Variants in CDKL5 observed in about 807,000 individuals in gnomAD.
CDKL5 encodes cyclin dependent kinase like 5.
Under a neutral mutation model 61.7 loss-of-function variants are expected in CDKL5, and 8 were observed. That is an observed-to-expected ratio of 0.13 (90% CI 0.08 to 0.23). The LOEUF (loss-of-function observed/expected upper bound fraction) is 0.23, where lower values mean the gene tolerates loss of function less well. Among genes scored for constraint, CDKL5 ranks in the 10% least tolerant of loss-of-function variants. The pLI is 1.00. For missense variants in CDKL5, 440 were observed against 734.5 expected (o/e 0.60, Z 4.63); for synonymous variants, 275 against 272.3 (o/e 1.01, Z -0.10).
chrX:18,616,903 T>A (rs1926734324), intron 15 of CDKL5, among the ~76,000 whole-genome samples: 1 of 110,967 alleles, frequency 9.0e-6, no homozygotes, highest in Non-Finnish European at 1.9e-5. Flanking sequence ...TCCATGCTGC[T>A]CTCAGAGGGA....
At chrX:18,609,159 G>A (rs1926459631) in intron 13 of CDKL5, among the ~76,000 whole-genome samples, 1 of 111,582 alleles carries the variant, frequency 9.0e-6, no homozygotes, top group African/African-American at 3.3e-5. Context: ...TTGGGAGGCT[G>A]AGGTGGGAGG....
chrX:18,484,124 TTCTC>T (rs1325834016), intron 1 of CDKL5, among the ~76,000 whole-genome samples: 1 of 112,169 alleles, frequency 8.9e-6, no homozygotes, highest in Non-Finnish European at 1.9e-5. Context: ...GTAGGGTTTA[TTCTC>T]TCTATCAGAT....
rs1362768833 is a variant in CDKL5 at position 18,628,682 on chromosome X, A to G, written c.2808A>G (p.Pro936=). Residue 936 remains proline, a synonymous_variant, in exon 18 of 18, where the codon CCA becomes CCG. Coordinates refer to ENST00000623535, the MANE Select transcript of CDKL5 (RefSeq NM_001323289.2). ...YSEQLGAKSG[P]NGHPYNRTNR... The stretch of plus-strand genomic sequence containing the variant: ...AACAGCTGGGTGCCAAAAGTGGGCC[A>G]AATGGGCACCCCTATAACAGAACAA... 1.7e-6 allele frequency: 2 copies of G among 1,196,410 alleles called. No homozygotes were observed.
chrX:18,460,938 C>G (rs907125953), intron 1 of CDKL5, among the ~76,000 whole-genome samples: 4 of 112,266 alleles, frequency 3.6e-5, no homozygotes, highest in Non-Finnish European at 7.5e-5. Flanking sequence ...TATAATTTCT[C>G]AGGGAAGATA....
In CDKL5 at chrX:18,593,336, A is replaced by G. The variant is rs770383852; in HGVS notation, c.745-2012A>G. On this transcript the variant is annotated intron_variant, in intron 9 of 17. Transcript: ENST00000623535. The stretch of plus-strand genomic sequence containing the variant: ...TTAGGAGTTTGCTTGGTCATTTTTT[A>G]TTATAATATTTCTAATACCTTTCGA... Among the ~76,000 whole-genome samples, 4 of 112,262 alleles carry G rather than the reference A, an allele frequency of 3.6e-5. No individual in the cohort carries two copies. In the East Asian group the frequency reaches 1.1e-3, roughly 31 times the overall value.
intron 1 of CDKL5, among the ~76,000 whole-genome samples, chrX:18,448,121 A>T (rs1931923562): frequency 8.9e-6 from 1 of 111,799 alleles, no homozygotes; most frequent in Non-Finnish European, 1.9e-5. Context: ...TCTACACCTG[A>T]ATATTCTATA....
At chrX:18,548,006 C>G (rs1050902357) in intron 3 of CDKL5, among the ~76,000 whole-genome samples, 1 of 110,328 alleles carries the variant, frequency 9.1e-6, no homozygotes, top group Non-Finnish European at 1.9e-5. Context: ...TTTTATTGGC[C>G]GGGGTTGGGT....
intron 1 of CDKL5, among the ~76,000 whole-genome samples, chrX:18,483,553 A>G (rs900882603): frequency 9.1e-6 from 1 of 110,189 alleles, no homozygotes; most frequent in African/African-American, 3.3e-5. Flanking sequence ...AGTAGCTGGG[A>G]TTACAGGCAC....
chrX:18,579,364 A>G (rs192219095), intron 5 of CDKL5, among the ~76,000 whole-genome samples: 52 of 111,506 alleles, frequency 4.7e-4, no homozygotes, highest in South Asian at 3.8e-3. Flanking sequence ...GAATTTTTGT[A>G]CTAAATGTAT....
intron 1 of CDKL5, among the ~76,000 whole-genome samples, chrX:18,497,654 G>A (rs757810226): frequency 1.8e-5 from 2 of 111,522 alleles, no homozygotes; most frequent in East Asian, 2.8e-4. Context: ...ATATAACAAC[G>A]TAGAAATACA....
At chrX:18,649,461 AGACG>A (rs1927936391) in intron 20 of CDKL5, among the ~76,000 whole-genome samples, 1 of 111,856 alleles carries the variant, frequency 8.9e-6, no homozygotes, top group Non-Finnish European at 1.9e-5. Context: ...ATGCTTGCAG[AGACG>A]GCCATGCCCT....
In CDKL5 at chrX:18,547,962, T is replaced by G. The variant is rs770770532; in HGVS notation, c.100-16515T>G. ...ATACTTGAACAAAGGGCACGAGAGT[T>G]TTTATTTTTGACGCGAGTTTTGTTT... is the stretch of plus-strand genomic sequence containing the variant. On this transcript the variant is annotated intron_variant, in intron 3 of 17. Transcript: ENST00000623535. Among the ~76,000 whole-genome samples, 45 of 111,508 alleles carry G rather than the reference T, an allele frequency of 4.0e-4. 1 individual carries two copies. Among genetic ancestry groups the G allele is most frequent in the African/African-American group, 1.2e-3 (38 of 30,720 alleles).
chrX:18,563,841 C>G (rs913933385), intron 3 of CDKL5, among the ~76,000 whole-genome samples: 1 of 111,681 alleles, frequency 9.0e-6, no homozygotes, highest in African/African-American at 3.3e-5. Flanking sequence ...TCCTTTCCAG[C>G]CCTTGTTTTC....
At chrX:18,447,480 C>T (rs1931907943) in intron 1 of CDKL5, among the ~76,000 whole-genome samples, 1 of 111,592 alleles carries the variant, frequency 9.0e-6, no homozygotes, top group African/African-American at 3.3e-5. Context: ...GCTTCCCACC[C>T]CCACCGCTGC....
At chrX:18,431,084 A>G (rs1931474916) in intron 1 of CDKL5, among the ~76,000 whole-genome samples, 1 of 109,425 alleles carries the variant, frequency 9.1e-6, no homozygotes, top group Non-Finnish European at 1.9e-5. Flanking sequence ...AGTGGTCTCG[A>G]ACTCCTGACC....
intron 1 of CDKL5, among the ~76,000 whole-genome samples, chrX:18,490,260 G>A (rs974026203): frequency 9.0e-6 from 1 of 111,396 alleles, no homozygotes; most frequent in African/African-American, 3.3e-5. Context: ...CTTGAGGAGA[G>A]TGAGTTGTGG....
At position 18,609,460 on chromosome X, in the gene CDKL5, C is replaced by T. The variant is rs770790163; in HGVS notation, c.2047-5C>T. The T allele has an allele frequency of 1.7e-5, 21 of 1,209,909 alleles. No homozygotes were observed. Among genetic ancestry groups the T allele is most frequent in the Non-Finnish European group, 2.2e-5 (20 of 895,215 alleles). On this transcript the variant is annotated splice_region_variant and splice_polypyrimidine_tract_variant and intron_variant, in intron 13 of 17. Transcript: ENST00000623535. ...TAACTTTTATAAATTTCTTTCCTGC[C>T]TCAGGGTGGAGTGTATCATGACCCA...
At chrX:18,455,801 C>A (rs1485107967) in intron 1 of CDKL5, among the ~76,000 whole-genome samples, 1 of 112,304 alleles carries the variant, frequency 8.9e-6, no homozygotes, top group Non-Finnish European at 1.9e-5. Flanking sequence ...TCTGTAAAGC[C>A]TTTTCCTGTC....
intron 3 of CDKL5, among the ~76,000 whole-genome samples, chrX:18,560,848 A>G (rs1412772021): frequency 1.8e-5 from 2 of 111,406 alleles, no homozygotes; most frequent in Non-Finnish European, 3.8e-5. Context: ...TTCAAAGAAA[A>G]GGAAAAGTCC....
Sources: gnomAD v4.1 joint callset for allele counts (sites outside exome capture counted in the v4.1 genomes callset) on GRCh38, gnomAD v4.1.1 for gene constraint, MANE v1.5 for transcripts, NCBI Gene and HGNC (gene_info 2026-07-23, HGNC 2026-07-21) for gene names.